The following CCSER1 variants were observed in gnomAD, a reference collection of about 807,000 sequenced individuals.
The protein encoded by CCSER1 is coiled-coil serine rich protein 1.
A neutral mutation model predicts 82.0 loss-of-function variants in CCSER1; 41 were observed. The ratio of observed to expected loss-of-function variants is 0.50; its 90% confidence interval spans 0.39 to 0.65. CCSER1 has a LOEUF of 0.65. Ranked by LOEUF, CCSER1 falls within the 30% of genes least tolerant of loss-of-function variation. The pLI is 0.00. For synonymous variants in CCSER1, 414 were observed against 383.9 expected, an observed-to-expected ratio of 1.08 and a Z score of -0.92; for missense variants, 1,119 against 1,064.2, an observed-to-expected ratio of 1.05 and a Z score of -0.72.
intron 8 of CCSER1, among the ~76,000 whole-genome samples, chr4:90,911,544 C>T (rs1726359419): frequency 6.6e-6 from 1 of 152,180 alleles, no homozygotes; most frequent in African/African-American, 2.4e-5. Context: ...CTACAGCTCC[C>T]AGTGTGAGCG....
chr4:90,760,242 C>A (rs950590822), intron 7 of CCSER1, among the ~76,000 whole-genome samples: 2 of 151,862 alleles, frequency 1.3e-5, no homozygotes, highest in African/African-American at 4.8e-5. Context: ...AAGTTCTGTT[C>A]ATGTATTATA....
intron 5 of CCSER1, among the ~76,000 whole-genome samples, chr4:90,549,789 T>C (rs940548153): frequency 1.3e-5 from 2 of 151,050 alleles, no homozygotes; most frequent in Non-Finnish European, 3.0e-5. Flanking sequence ...TTGTGATGAG[T>C]TGAAGTGAAG....
At chr4:91,109,613 G>T (rs1456595503) in intron 10 of CCSER1, among the ~76,000 whole-genome samples, 7 of 152,086 alleles carry the variant, frequency 4.6e-5, no homozygotes, top group African/African-American at 1.4e-4. Flanking sequence ...AATAAAACAG[G>T]TGATAGTCAT....
chr4:91,259,447 C>CATATATATAT (rs148329738), intron 10 of CCSER1, among the ~76,000 whole-genome samples: 5 of 150,124 alleles, frequency 3.3e-5, no homozygotes, highest in African/African-American at 9.7e-5. Flanking sequence ...CCTTGGTAGT[C>CATATATATAT]ATATATATAT....
chr4:91,236,245 T>C (rs1335470555), intron 10 of CCSER1, among the ~76,000 whole-genome samples: 1 of 152,144 alleles, frequency 6.6e-6, no homozygotes, highest in African/African-American at 2.4e-5. Context: ...CCCAGCACTT[T>C]GGGAGGCCGA....
intron 10 of CCSER1, among the ~76,000 whole-genome samples, chr4:91,293,385 A>C (rs1407340418): frequency 6.6e-6 from 1 of 152,000 alleles, no homozygotes; most frequent in Non-Finnish European, 1.5e-5. Flanking sequence ...CAATGTTGTA[A>C]AATTTAACTT....
At chr4:90,868,658 A>T (rs1365250110) in intron 8 of CCSER1, among the ~76,000 whole-genome samples, 1 of 152,096 alleles carries the variant, frequency 6.6e-6, no homozygotes, top group Non-Finnish European at 1.5e-5. Flanking sequence ...TGCTGCAACA[A>T]ACATAAAAAT....
At chr4:91,593,113 G>C (rs953462929) in intron 10 of CCSER1, among the ~76,000 whole-genome samples, 8 of 151,906 alleles carry the variant, frequency 5.3e-5, no homozygotes, top group Non-Finnish European at 1.5e-5. Context: ...TTGCACATTG[G>C]CATGATTATT....
chr4:90,718,468 A>T (rs1214359636), intron 6 of CCSER1, among the ~76,000 whole-genome samples: 2 of 152,100 alleles, frequency 1.3e-5, no homozygotes, highest in Non-Finnish European at 2.9e-5. Context: ...AATAATGAAA[A>T]CTCATTCTAC....
chr4:91,315,092 T>G (rs1745734875), intron 10 of CCSER1, among the ~76,000 whole-genome samples: 1 of 151,804 alleles, frequency 6.6e-6, no homozygotes, highest in Non-Finnish European at 1.5e-5. Context: ...ACTGTAGTAT[T>G]TATTTACCCA....
chr4:90,484,589 C>G (rs1302837115), intron 5 of CCSER1, among the ~76,000 whole-genome samples: 4 of 152,166 alleles, frequency 2.6e-5, no homozygotes, highest in African/African-American at 7.2e-5. Flanking sequence ...TTCCTTCTAA[C>G]AGTCAGGACC....
chr4:90,907,179 C>T (rs1725613627), intron 8 of CCSER1, among the ~76,000 whole-genome samples: 1 of 152,068 alleles, frequency 6.6e-6, no homozygotes, highest in African/African-American at 2.4e-5. Flanking sequence ...GTTGAAACTT[C>T]ATCCTGTAGA....
intron 10 of CCSER1, among the ~76,000 whole-genome samples, chr4:91,196,739 G>A (rs1581753090): frequency 6.6e-6 from 1 of 152,180 alleles, no homozygotes; most frequent in Non-Finnish European, 1.5e-5. Context: ...TCGAATTCAG[G>A]TTGATCTCAC....
chr4:90,467,726 C>T (rs777913975), intron 4 of CCSER1, among the ~76,000 whole-genome samples: 1 of 151,890 alleles, frequency 6.6e-6, no homozygotes, highest in African/African-American at 2.4e-5. Context: ...AGAATATGCT[C>T]ACAAAAGAAT....
chr4:90,589,413 GA>G (rs1782425874), intron 5 of CCSER1, among the ~76,000 whole-genome samples: 1 of 151,848 alleles, frequency 6.6e-6, no homozygotes, highest in Non-Finnish European at 1.5e-5. Flanking sequence ...ATGGGTTATT[GA>G]AAATAGGCAT....
chr4:90,810,267 T>G (rs1758078531), intron 7 of CCSER1, among the ~76,000 whole-genome samples: 1 of 152,184 alleles, frequency 6.6e-6, no homozygotes, highest in Non-Finnish European at 1.5e-5. Context: ...CAGCCAAATT[T>G]GATCACCTTA....
intron 5 of CCSER1, among the ~76,000 whole-genome samples, chr4:90,557,698 T>G (rs891008019): frequency 2.0e-5 from 3 of 152,166 alleles, no homozygotes; most frequent in Non-Finnish European, 4.4e-5. Context: ...TGTTTATCAT[T>G]ATTTCCCTTC....
At chr4:90,875,814 T>G (rs1386824641) in intron 8 of CCSER1, among the ~76,000 whole-genome samples, 2 of 152,166 alleles carry the variant, frequency 1.3e-5, no homozygotes, top group African/African-American at 2.4e-5. Flanking sequence ...AGCCTAGTCA[T>G]TTGCAGATTT....
At chr4:90,632,464 ATT>A (rs1732208898) in intron 6 of CCSER1, among the ~76,000 whole-genome samples, 1 of 151,786 alleles carries the variant, frequency 6.6e-6, no homozygotes, top group South Asian at 2.1e-4. Context: ...ATGTTATGCT[ATT>A]TTATAATATA....
Sources: gnomAD v4.1 joint callset for allele counts (sites outside exome capture counted in the v4.1 genomes callset) on GRCh38, gnomAD v4.1.1 for gene constraint, MANE v1.5 for transcripts, NCBI Gene and HGNC (gene_info 2026-07-23, HGNC 2026-07-21) for gene names.